Variants in PTPN1 observed in about 807,000 individuals in gnomAD.
The protein encoded by PTPN1 is protein tyrosine phosphatase non-receptor type 1.
A neutral mutation model predicts 59.9 loss-of-function variants in PTPN1; 12 were observed. That is an observed-to-expected ratio of 0.20 (90% CI 0.13 to 0.32). The LOEUF is 0.32. Ranked by LOEUF, PTPN1 falls within the 10% of genes least tolerant of loss-of-function variation. The probability of loss-of-function intolerance (pLI) is 1.00; values close to 1 mark genes in which losing one functional copy is unlikely to be tolerated. For synonymous variants in PTPN1, 178 were observed against 203.6 expected (o/e 0.87, Z 1.07); for missense variants, 356 against 549.2 (o/e 0.65, Z 3.52).
At chr20:50,524,138 G>A (rs1329465127) in intron 1 of PTPN1, among the ~76,000 whole-genome samples, 1 of 152,116 alleles carries the variant, frequency 6.6e-6, no homozygotes. Flanking sequence ...CTTCCAGAAG[G>A]GTAGCCTAGT....
intron 3 of PTPN1, 33 bp downstream of exon 3, chr20:50,565,102 T>G: frequency 6.3e-7 from 1 of 1,596,428 alleles, no homozygotes; most frequent in Non-Finnish European, 8.5e-7. Context: ...CTATTTAATG[T>G]CAATTTAAGA....
rs1238519233 is a variant in PTPN1, at chr20:50,584,367, A to G, written c.*1652A>G. On this transcript the variant is annotated 3_prime_UTR_variant, in exon 10 of 10. Coordinates refer to ENST00000371621, the MANE Select transcript of PTPN1 (RefSeq NM_002827.4). ...TATGTAGTAGTTTGGGTGTGTATAT[A>G]TAGTAGCATTTCAAAATGGACGTAC... 6.6e-6 allele frequency: 1 copy of G among 152,514 alleles called. No homozygotes were observed. The highest frequency in any genetic ancestry group is 2.4e-5 in the African/African-American group (1 of 41,400). The allele number at this position is 152,514 out of a possible 1,614,324, so 9.4% of individuals were successfully genotyped here. A position where few individuals can be genotyped will look rare whatever the true frequency, so the allele number is the denominator to read the frequency against.
At chr20:50,566,112 C>G (rs2082777911) in intron 3 of PTPN1, among the ~76,000 whole-genome samples, 3 of 152,176 alleles carry the variant, frequency 2.0e-5, no homozygotes, top group South Asian at 4.1e-4. Flanking sequence ...GGATACAGGG[C>G]AGGCCTTTAC....
chr20:50,527,587 C>G (rs945392490), intron 1 of PTPN1, among the ~76,000 whole-genome samples: 1 of 152,136 alleles, frequency 6.6e-6, no homozygotes, highest in African/African-American at 2.4e-5. Flanking sequence ...GTTGGCCAGG[C>G]TAGCCTCAAG....
chr20:50,536,213 A>G (rs1250705027), intron 1 of PTPN1, among the ~76,000 whole-genome samples: 1 of 152,244 alleles, frequency 6.6e-6, no homozygotes, highest in Non-Finnish European at 1.5e-5. Context: ...CCTAACAGTT[A>G]TTCTTGAACA....
intron 1 of PTPN1, among the ~76,000 whole-genome samples, chr20:50,547,433 G>A (rs542560725): frequency 6.6e-6 from 1 of 151,574 alleles, no homozygotes; most frequent in South Asian, 2.1e-4. Context: ...GTATGATCTC[G>A]GCTCACTGCA....
chr20:50,526,049 G>T (rs2082573762), intron 1 of PTPN1, among the ~76,000 whole-genome samples: 1 of 152,124 alleles, frequency 6.6e-6, no homozygotes, highest in Admixed American at 6.5e-5. Flanking sequence ...GGAGGAGAGT[G>T]AAAATGCCTG....
Position 50,510,450 on chromosome 20 carries a change from C to A in PTPN1, c.-78C>A, listed in dbSNP as rs1224050687. 1.9e-5 allele frequency: 28 copies of A among 1,499,042 alleles called. No homozygotes were observed. The highest frequency in any genetic ancestry group is 2.4e-5 in the Non-Finnish European group (27 of 1,108,364). The allele number at this position is 1,499,042 out of a possible 1,614,324, so 92.9% of individuals were successfully genotyped here. A position where few individuals can be genotyped will look rare whatever the true frequency, so the allele number is the denominator to read the frequency against. ...TCGGGGATTGCAGCGGGCCTCGGGGCTAAGAGCGCGACGCGGCCTAGAGCG... is the reference window on the plus strand; with the variant it reads ...TCGGGGATTGCAGCGGGCCTCGGGGATAAGAGCGCGACGCGGCCTAGAGCG... On this transcript the variant is annotated 5_prime_UTR_variant, in exon 1 of 10. Coordinates refer to ENST00000371621, the MANE Select transcript of PTPN1 (RefSeq NM_002827.4).
At chr20:50,528,573 G>A (rs942935780) in intron 1 of PTPN1, among the ~76,000 whole-genome samples, 4 of 151,920 alleles carry the variant, frequency 2.6e-5, no homozygotes. Flanking sequence ...AATTAGCCAG[G>A]CGTGGTGGCG....
intron 1 of PTPN1, among the ~76,000 whole-genome samples, chr20:50,554,852 A>G (rs983859117): frequency 2.2e-4 from 34 of 152,328 alleles, no homozygotes; most frequent in African/African-American, 7.5e-4. Context: ...CAAAAAAAGA[A>G]AAACATTCAA....
chr20:50,530,417 C>T lies in PTPN1; in HGVS notation c.63+19827C>T, dbSNP rs552279315. Among the ~76,000 whole-genome samples the T allele has an allele frequency of 5.3e-5, 8 of 151,994 alleles. No individual in the cohort carries two copies. In the East Asian group the frequency reaches 9.7e-4, roughly 18 times the overall value. On this transcript the variant is annotated intron_variant, in intron 1 of 9. Coordinates refer to ENST00000371621, the MANE Select transcript of PTPN1 (RefSeq NM_002827.4). ...CTGTCACCAGGCTGGAGTATGGTGG[C>T]GCGATCTTGGCTCACTGCAGCCTCC...
intron 1 of PTPN1, among the ~76,000 whole-genome samples, chr20:50,539,927 G>A (rs1029270896): frequency 7.3e-5 from 11 of 150,784 alleles, no homozygotes; most frequent in African/African-American, 2.7e-4. Flanking sequence ...AGAGTTTTCC[G>A]TTTTTCGTCT....
At chr20:50,581,510 C>G in intron 9 of PTPN1, 50 bp downstream of exon 9, 1 of 1,546,374 alleles carries the variant, frequency 6.5e-7, no homozygotes, top group Non-Finnish European at 8.8e-7. Context: ...GTGCAGAGAG[C>G]ACTGGCCGCT....
chr20:50,579,986 C>A, intron 8 of PTPN1, 60 bp downstream of exon 8: 1 of 1,476,916 alleles, frequency 6.8e-7, no homozygotes, highest in Non-Finnish European at 9.4e-7. Flanking sequence ...GTTCTAGAAA[C>A]ACACGCTGGT....
intron 4 of PTPN1, among the ~76,000 whole-genome samples, chr20:50,570,341 C>T (rs1263817326): frequency 6.6e-6 from 1 of 151,968 alleles, no homozygotes; most frequent in East Asian, 1.9e-4. Context: ...GGTTTTTTAC[C>T]CTTGCCTACT....
chr20:50,560,841 C>T (rs543250734), intron 1 of PTPN1, among the ~76,000 whole-genome samples: 1 of 152,242 alleles, frequency 6.6e-6, no homozygotes, highest in South Asian at 2.1e-4. Flanking sequence ...GTGTAGTCTT[C>T]TGTTGAAACA....
intron 2 of PTPN1, among the ~76,000 whole-genome samples, chr20:50,563,931 A>G (rs562691779): frequency 1.7e-3 from 255 of 152,350 alleles, no homozygotes; most frequent in African/African-American, 6.0e-3. Flanking sequence ...CTTCCAAATG[A>G]AAGTTTATTT....
chr20:50,578,388 T>A (rs773742924), intron 5 of PTPN1, 32 bp from the exon 6 acceptor site: 1 of 1,531,890 alleles, frequency 6.5e-7, no homozygotes, highest in Non-Finnish European at 9.0e-7. Flanking sequence ...GATGATTCTT[T>A]TAGAATCATC....
At chr20:50,535,675 C>T (rs1347972739) in intron 1 of PTPN1, among the ~76,000 whole-genome samples, 1 of 152,142 alleles carries the variant, frequency 6.6e-6, no homozygotes, top group Non-Finnish European at 1.5e-5. Context: ...AATGCTTAGA[C>T]ATTTTATATG....
Sources: gnomAD v4.1 joint callset for allele counts (sites outside exome capture counted in the v4.1 genomes callset) on GRCh38, gnomAD v4.1.1 for gene constraint, MANE v1.5 for transcripts, NCBI Gene and HGNC (gene_info 2026-07-23, HGNC 2026-07-21) for gene names.